Variants in NBPF11 observed in about 807,000 individuals in gnomAD.
The protein encoded by NBPF11 is NBPF family member NBPF11.
Under a neutral mutation model 93.9 loss-of-function variants are expected in NBPF11, and 72 were observed. The observed-to-expected ratio is 0.77, with a 90% CI of 0.63 to 0.93. NBPF11 has a LOEUF of 0.93. Among genes scored for constraint, NBPF11 ranks in the 40% least tolerant of loss-of-function variants. NBPF11 has a pLI of 0.00. For missense variants in NBPF11, 705 were observed against 802.2 expected (o/e 0.88, Z 1.46); for synonymous variants, 224 against 304.9 (o/e 0.73, Z 2.76).
chr1:148,130,099 GT>G (rs1670070885), intron 4 of NBPF11, among the ~76,000 whole-genome samples: 1 of 144,402 alleles, frequency 6.9e-6, no homozygotes, highest in African/African-American at 2.6e-5. Flanking sequence ...AAACTTTTTT[GT>G]TTTGATGGAT....
At chr1:148,134,100 G>C (rs1480574669) in intron 4 of NBPF11, among the ~76,000 whole-genome samples, 1 of 152,048 alleles carries the variant, frequency 6.6e-6, no homozygotes, top group Non-Finnish European at 1.5e-5. Flanking sequence ...CCAGCCTGTA[G>C]AGGAGAGGCG....
intron 1 of NBPF11, chr1:148,149,661 G>C: frequency 2.7e-6 from 3 of 1,128,568 alleles, no homozygotes; most frequent in Middle Eastern, 2.9e-4. Context: ...GGACCCCCCC[G>C]GGCGGCCCAG....
chr1:148,124,845 A>G, intron 6 of NBPF11, 54 bp downstream of exon 6: 2 of 1,588,060 alleles, frequency 1.3e-6, no homozygotes, highest in East Asian at 2.2e-5. Flanking sequence ...GAGCTGCTGT[A>G]CTTCAGAGAT....
chr1:148,124,835 G>A (rs1332628282), intron 6 of NBPF11, 64 bp downstream of exon 6: 52 of 1,543,826 alleles, frequency 3.4e-5, no homozygotes, highest in African/African-American at 1.2e-4. Flanking sequence ...TCTCCCCGCC[G>A]AGCTGCTGTA....
intron 3 of NBPF11, among the ~76,000 whole-genome samples, chr1:148,136,808 G>A (rs1334793230): frequency 1.3e-5 from 2 of 151,906 alleles, no homozygotes; most frequent in East Asian, 3.9e-4. Context: ...ACAGAGGTAA[G>A]GGAATTATGT....
intron 17 of NBPF11, among the ~76,000 whole-genome samples, chr1:148,108,972 CA>C (rs1664568071): frequency 6.6e-6 from 1 of 151,278 alleles, no homozygotes; most frequent in Non-Finnish European, 1.5e-5. Context: ...TCAGGACACA[CA>C]GTGAACAGTG....
rs1292475823 is a variant in NBPF11, at chr1:148,124,260, G to C, written c.279-193C>G. Reference sequence around the variant, plus strand: ...TACAGGCTTTCCCTCTATCAGAGAGGGCTCCTGCAAGATCCTCGATGATGT... The same window carrying C: ...TACAGGCTTTCCCTCTATCAGAGAGCGCTCCTGCAAGATCCTCGATGATGT... On this transcript the variant is annotated intron_variant, in intron 6 of 23. Transcript: ENST00000682118. Among the ~76,000 whole-genome samples, 10 of 151,884 alleles carry C rather than the reference G, an allele frequency of 6.6e-5. No individual in the cohort carries two copies. In the South Asian group the frequency reaches 1.7e-3, roughly 25 times the overall value.
rs1673129197 is a variant in NBPF11 at position 148,146,583 on chromosome 1, C to T, written c.-548-2897G>A. 1.3e-5 allele frequency: 21 copies of T among 1,607,992 alleles called. No homozygotes were observed. In the South Asian group the frequency reaches 1.5e-4, roughly 12 times the overall value. ...CCCTGAGAGCCTCCTCGGGCGCACC[C>T]GGGCGCTGGAAGCTGCACCTGACGG... On this transcript the variant is annotated intron_variant, in intron 1 of 23. Transcript: ENST00000682118.
Position 148,122,068 on chromosome 1 carries a change from T to G in NBPF11, c.765A>C (p.Leu255=). The stretch of plus-strand genomic sequence containing the variant: ...AATAGAGGCTACCTGGGAGAATGTT[T>G]AGAGCATCCTGACATCCATCATGAG... ...ESSHDGCQDA[L]NILPVPGPTS... is the part of the protein sequence containing the mutation. Residue 255 remains leucine, a synonymous_variant, in exon 9 of 24, where the codon CTA becomes CTC. Transcript: ENST00000682118. 4 of 1,609,544 alleles carry G rather than the reference T, an allele frequency of 2.5e-6. No individual in the cohort carries two copies. The highest frequency in any genetic ancestry group is 3.4e-6 in the Non-Finnish European group (4 of 1,176,004).
chr1:148,151,852 G>A lies in NBPF11; in HGVS notation c.-651C>T, dbSNP rs1181894845. 5.3e-5 allele frequency: 8 copies of A among 152,304 alleles called. No individual in the cohort carries two copies. Among genetic ancestry groups the A allele is most frequent in the Admixed American group, 6.5e-5 (1 of 15,284 alleles). 9.4% of individuals were successfully genotyped at this position (152,304 alleles called of 1,614,324 possible). On this transcript the variant is annotated 5_prime_UTR_variant, in exon 1 of 24. It adds an upstream start codon to the 5' untranslated region. Coordinates refer to ENST00000682118, the MANE Select transcript of NBPF11 (RefSeq NM_001385469.3). ...CCGCTCCTGGCGCCGCAGGTCGCCCGTCCCGCGTTCCCAAAATCACCAGGC... is the reference window on the plus strand; with the variant it reads ...CCGCTCCTGGCGCCGCAGGTCGCCCATCCCGCGTTCCCAAAATCACCAGGC...
intron 7 of NBPF11, among the ~76,000 whole-genome samples, 191 bp downstream of exon 7, chr1:148,123,662 G>A (rs2149242059): frequency 6.6e-6 from 1 of 152,038 alleles, no homozygotes; most frequent in African/African-American, 2.4e-5. Context: ...AGGGACACTT[G>A]CAATACTGTG....
intron 5 of NBPF11, among the ~76,000 whole-genome samples, chr1:148,125,683 T>C (rs1215078405): frequency 2.0e-5 from 3 of 152,000 alleles, no homozygotes; most frequent in South Asian, 4.2e-4. Flanking sequence ...AGATAGTGTT[T>C]ACACTGTGCC....
chr1:148,108,842 GACAC>G (rs71270029), intron 17 of NBPF11, among the ~76,000 whole-genome samples, 188 bp from the exon 18 acceptor site: 9,662 of 112,642 alleles, frequency 0.086, 443 homozygotes, highest in East Asian at 0.25. Flanking sequence ...GAAAGAGAAA[GACAC>G]ACACACACAC....
chr1:148,120,470 A>G, intron 10 of NBPF11, 31 bp downstream of exon 10: 1 of 893,230 alleles, frequency 1.1e-6, no homozygotes, highest in Non-Finnish European at 1.9e-6. Context: ...TTCGTTCATC[A>G]CTTTCGTGAT....
At chr1:148,113,551 A>G (rs1205550972) in intron 15 of NBPF11, among the ~76,000 whole-genome samples, 1 of 115,568 alleles carries the variant, frequency 8.7e-6, no homozygotes, top group Non-Finnish European at 1.8e-5. Flanking sequence ...TCAATATTAG[A>G]CAGATCAATG....
At chr1:148,115,099 A>T (rs1309432717) in intron 14 of NBPF11, among the ~76,000 whole-genome samples, 1 of 121,062 alleles carries the variant, frequency 8.3e-6, no homozygotes, top group African/African-American at 3.5e-5. Flanking sequence ...TGGGAGGCAG[A>T]GGTTGCACCA....
At chr1:148,118,471 T>G in intron 11 of NBPF11, 149 bp downstream of exon 11, 2 of 709,908 alleles carry the variant, frequency 2.8e-6, no homozygotes, top group African/African-American at 1.8e-5. Context: ...TTCTTCTCTG[T>G]TTGATAAATA....
chr1:148,125,799 A>G (rs1668976969), intron 5 of NBPF11, among the ~76,000 whole-genome samples: 1 of 151,932 alleles, frequency 6.6e-6, no homozygotes, highest in South Asian at 2.1e-4. Flanking sequence ...GAGGAAACTG[A>G]GGGACAGACA....
intron 4 of NBPF11, among the ~76,000 whole-genome samples, chr1:148,130,198 G>T (rs1485308599): frequency 6.6e-6 from 1 of 151,962 alleles, no homozygotes; most frequent in East Asian, 1.9e-4. Context: ...CTTTTGCTTT[G>T]ATATATTTAT....
Sources: allele counts gnomAD v4.1 joint callset (sites outside exome capture counted in the v4.1 genomes callset), GRCh38; gene constraint gnomAD v4.1.1; transcripts MANE v1.5; gene names NCBI Gene and HGNC (gene_info 2026-07-23, HGNC 2026-07-21).